The following TMEM114 variants were observed in gnomAD, a reference collection of about 807,000 sequenced individuals.
TMEM114 encodes claudin-26.
TMEM114 carries 6 observed loss-of-function variants against 6.2 expected under a neutral mutation model. The observed-to-expected ratio is 0.97, with a 90% CI of 0.53 to 1.91. The LOEUF is 1.91. TMEM114 is among the 40% of genes most tolerant of loss of function. TMEM114 has a pLI of 0.01. For synonymous variants in TMEM114, 104 were observed against 73.0 expected, an observed-to-expected ratio of 1.42 and a Z score of -2.16; for missense variants, 218 against 158.3, an observed-to-expected ratio of 1.38 and a Z score of -2.02.
intron 2 of TMEM114, among the ~76,000 whole-genome samples, chr16:8,551,889 C>G (rs1400822994): frequency 6.6e-6 from 1 of 152,118 alleles, no homozygotes; most frequent in African/African-American, 2.4e-5. Context: ...TACATCAGAA[C>G]CATGGAATAC....
At chr16:8,527,668 G>C in the TMEM114 span, among the ~76,000 whole-genome samples, 1 of 152,102 alleles carries the variant, frequency 6.6e-6, no homozygotes. Flanking sequence ...ATTGAGGGTG[G>C]TAGTTTTGGG....
intron 2 of TMEM114, among the ~76,000 whole-genome samples, chr16:8,543,926 C>A (rs1341003200): frequency 6.6e-6 from 1 of 152,192 alleles, no homozygotes; most frequent in African/African-American, 2.4e-5. Context: ...GTGTAAAAAA[C>A]CATGCATCTC....
chr16:8,572,449 T>A (rs1439923859), intron 2 of TMEM114: 1 of 586,514 alleles, frequency 1.7e-6, no homozygotes, highest in Non-Finnish European at 3.0e-6. Context: ...GTTTGTTTTG[T>A]TTTTGAGACA....
chr16:8,582,106 C>A lies in TMEM114; in HGVS notation c.301+7107G>T, dbSNP rs140963912. Among the ~76,000 whole-genome samples the A allele has an allele frequency of 3.8e-3, 575 of 152,334 alleles. 1 individual carries two copies. Among genetic ancestry groups the A allele is most frequent in the Non-Finnish European group, 5.6e-3 (379 of 68,034 alleles). On this transcript the variant is annotated intron_variant, in intron 2 of 3. Coordinates refer to ENST00000620492, the MANE Select transcript of TMEM114 (RefSeq NM_001146336.2). The stretch of plus-strand genomic sequence containing the variant: ...CACCCAGAAAAACTGGAAATCCAAT[C>A]TTGTGATTTTTCCAACCTCGCCTCC...
At chr16:8,564,225 ATGAGTGAGTTAG>A (rs1567203550) in intron 2 of TMEM114, among the ~76,000 whole-genome samples, 22 of 17,584 alleles carry the variant, frequency 1.3e-3, no homozygotes, top group East Asian at 2.5e-3. Context: ...GAGTTAGTGA[ATGAGTGAGTTAG>A]TGAATGAGTG....
At chr16:8,573,951 G>A (rs1901826274) in intron 2 of TMEM114, among the ~76,000 whole-genome samples, 1 of 152,150 alleles carries the variant, frequency 6.6e-6, no homozygotes, top group South Asian at 2.1e-4. Context: ...TTCTGTTCTG[G>A]GACATGGTAA....
At chr16:8,555,117 G>T (rs1354614431) in intron 2 of TMEM114, among the ~76,000 whole-genome samples, 4 of 152,188 alleles carry the variant, frequency 2.6e-5, no homozygotes, top group Non-Finnish European at 5.9e-5. Flanking sequence ...TTGCCCATGT[G>T]AGTTGGTGTT....
chr16:8,581,762 A>G (rs929373578), intron 2 of TMEM114, among the ~76,000 whole-genome samples: 7 of 152,340 alleles, frequency 4.6e-5, no homozygotes, highest in Admixed American at 3.9e-4. Flanking sequence ...CCAGAAGTGG[A>G]CTTACTTTAA....
chr16:8,570,058 T>TCCC, intron 3 of TMEM114, 53 bp from the exon 4 acceptor site: 1 of 1,501,544 alleles, frequency 6.7e-7, no homozygotes, highest in Non-Finnish European at 9.0e-7. Flanking sequence ...GCCCCAGCAC[T>TCCC]CCCCTCCTCC....
chr16:8,568,629 T>C (rs1171072097), downstream of TMEM114, among the ~76,000 whole-genome samples: 1 of 152,222 alleles, frequency 6.6e-6, no homozygotes, highest in Non-Finnish European at 1.5e-5. Flanking sequence ...CGTGTTGTCA[T>C]CTTTTAATCC....
At chr16:8,557,764 T>C (rs1241985508) in intron 2 of TMEM114, among the ~76,000 whole-genome samples, 1 of 152,156 alleles carries the variant, frequency 6.6e-6, no homozygotes, top group East Asian at 1.9e-4. Flanking sequence ...TTCACAGACA[T>C]CGTGGGAAGA....
chr16:8,561,555 C>T (rs969532789), intron 2 of TMEM114, among the ~76,000 whole-genome samples: 1 of 152,184 alleles, frequency 6.6e-6, no homozygotes, highest in Non-Finnish European at 1.5e-5. Context: ...CAGCACCTGG[C>T]ACATCAGGCA....
intron 2 of TMEM114, among the ~76,000 whole-genome samples, chr16:8,584,275 C>T (rs1282759317): frequency 1.3e-5 from 2 of 152,140 alleles, no homozygotes; most frequent in African/African-American, 2.4e-5. Context: ...CTGTCACTTG[C>T]CACCAAAAAG....
chr16:8,549,982 C>T (rs539407067), intron 2 of TMEM114, among the ~76,000 whole-genome samples: 1 of 152,196 alleles, frequency 6.6e-6, no homozygotes, highest in Non-Finnish European at 1.5e-5. Flanking sequence ...GACAGTGCAG[C>T]CTTCAGTCTG....
chr16:8,541,309 T>C (rs780358390), intron 2 of TMEM114, among the ~76,000 whole-genome samples: 1 of 152,124 alleles, frequency 6.6e-6, no homozygotes, highest in Admixed American at 6.6e-5. Flanking sequence ...CAGAGCATCA[T>C]ACAATTTGTC....
downstream of TMEM114, among the ~76,000 whole-genome samples, chr16:8,567,083 A>G (rs919569370): frequency 8.5e-6 from 1 of 117,948 alleles, no homozygotes; most frequent in South Asian, 2.6e-4. Context: ...TTTTTTTTGT[A>G]TTTTTAGTAG....
At chr16:8,532,658 C>T (rs1900252144), downstream of TMEM114, among the ~76,000 whole-genome samples, 1 of 152,238 alleles carries the variant, frequency 6.6e-6, no homozygotes, top group African/African-American at 2.4e-5. Context: ...GGCACAGTGG[C>T]TCACGCCTGT....
At chr16:8,573,970 G>A (rs1016611158) in intron 2 of TMEM114, among the ~76,000 whole-genome samples, 9 of 152,218 alleles carry the variant, frequency 5.9e-5, no homozygotes, top group Admixed American at 2.0e-4. Flanking sequence ...AAGTGCTGAA[G>A]AGATATGTGT....
At chr16:8,551,647 G>T (rs930746659) in intron 2 of TMEM114, among the ~76,000 whole-genome samples, 2 of 152,224 alleles carry the variant, frequency 1.3e-5, no homozygotes, top group Non-Finnish European at 2.9e-5. Context: ...TGTCTGTGAG[G>T]CAGGACAAAA....
Sources: gnomAD v4.1 joint callset for allele counts (sites outside exome capture counted in the v4.1 genomes callset) on GRCh38, gnomAD v4.1.1 for gene constraint, MANE v1.5 for transcripts, NCBI Gene and HGNC (gene_info 2026-07-23, HGNC 2026-07-21) for gene names.